The following YES1 variants were observed in gnomAD, a reference collection of about 807,000 sequenced individuals.
YES1 encodes the protein YES proto-oncogene 1, Src family tyrosine kinase.
Under a neutral mutation model 70.4 loss-of-function variants are expected in YES1, and 39 were observed. The observed-to-expected ratio is 0.55, with a 90% CI of 0.43 to 0.72. The LOEUF is 0.72. YES1 is among the 30% of genes least tolerant of loss of function. The probability of loss-of-function intolerance (pLI) is 0.00; values close to 1 mark genes in which losing one functional copy is unlikely to be tolerated. For missense variants in YES1, 495 were observed against 644.8 expected (o/e 0.77, Z 2.52); for synonymous variants, 198 against 218.6 (o/e 0.91, Z 0.83).
In YES1 at chr18:736,955, C is replaced by G. The variant is rs773025552; in HGVS notation, c.1144G>C (p.Asp382His). 1.2e-6 allele frequency: 2 copies of G among 1,604,546 alleles called. No individual in the cohort carries two copies. The highest frequency in any genetic ancestry group is 2.2e-5 in the South Asian group (2 of 89,686). Reference sequence around the variant, plus strand: ...ATTCTTTCAATATATGCCATACCATCAGCAATCTTGGAAAGAGAAAAACAA... The same window carrying G: ...ATTCTTTCAATATATGCCATACCATGAGCAATCTTGGAAAGAGAAAAACAA... The part of the protein sequence containing the change: ...QLVDMAAQIA[D>H]GMAYIERMNY... The change falls in exon 10 of 12, where the codon GAT becomes CAT. Residue 382 changes from aspartate (D) to histidine (H), a missense_variant. Asp to His is a moderately conservative substitution (Grantham distance 81). Coordinates refer to ENST00000314574, the MANE Select transcript of YES1 (RefSeq NM_005433.4).
chr18:808,654 T>C (rs1568224453), intron 1 of YES1, among the ~76,000 whole-genome samples: 2 of 152,226 alleles, frequency 1.3e-5, no homozygotes, highest in Admixed American at 6.5e-5. Context: ...ATCACCTTTA[T>C]AACATGACTG....
chr18:745,107 C>CT (rs1465470172), intron 6 of YES1, among the ~76,000 whole-genome samples: 1 of 152,102 alleles, frequency 6.6e-6, no homozygotes, highest in African/African-American at 2.4e-5. Context: ...GAAACATCCC[C>CT]TCTCCTAGTA....
At chr18:772,029 G>C (rs1461879919) in intron 1 of YES1, among the ~76,000 whole-genome samples, 1 of 151,292 alleles carries the variant, frequency 6.6e-6, no homozygotes, top group Non-Finnish European at 1.5e-5. Context: ...ACAAAAGCAT[G>C]TTCAAGTTTT....
At chr18:806,829 C>T (rs181108469) in intron 1 of YES1, among the ~76,000 whole-genome samples, 1 of 152,354 alleles carries the variant, frequency 6.6e-6, no homozygotes, top group East Asian at 1.9e-4. Context: ...CCTCATCCTT[C>T]CTCTGGTTAT....
At chr18:756,282 T>TC (rs1555686131) in intron 2 of YES1, among the ~76,000 whole-genome samples, 3 of 149,294 alleles carry the variant, frequency 2.0e-5, no homozygotes, top group African/African-American at 5.0e-5. Context: ...GTGCCTACAG[T>TC]GGGGGGGGGC....
At chr18:726,810 A>T (rs1401301915) in intron 11 of YES1, among the ~76,000 whole-genome samples, 1 of 146,798 alleles carries the variant, frequency 6.8e-6, no homozygotes, top group Non-Finnish European at 1.5e-5. Flanking sequence ...AAAAAAAAAA[A>T]AAAAATTCAC....
At chr18:785,690 T>A (rs1905900962) in intron 1 of YES1, among the ~76,000 whole-genome samples, 1 of 151,906 alleles carries the variant, frequency 6.6e-6, no homozygotes, top group Non-Finnish European at 1.5e-5. Flanking sequence ...CTGAAGGGGT[T>A]AATGTCACCA....
At chr18:761,531 C>T (rs938414541) in intron 1 of YES1, among the ~76,000 whole-genome samples, 1 of 152,082 alleles carries the variant, frequency 6.6e-6, no homozygotes, top group Non-Finnish European at 1.5e-5. Flanking sequence ...AGCTTAATTC[C>T]TCATCCTCAC....
intron 10 of YES1, 56 bp from the exon 11 acceptor site, chr18:733,021 A>G: frequency 6.4e-7 from 1 of 1,570,290 alleles, no homozygotes. Flanking sequence ...ATTTGTGTAA[A>G]CATAGCATAT....
At chr18:758,316 T>C (rs556217139) in intron 1 of YES1, among the ~76,000 whole-genome samples, 6 of 152,184 alleles carry the variant, frequency 3.9e-5, no homozygotes, top group African/African-American at 1.4e-4. Context: ...TGTATATGGC[T>C]AGTGGCTATC....
intron 1 of YES1, among the ~76,000 whole-genome samples, chr18:765,412 T>G (rs1904853794): frequency 6.7e-6 from 1 of 148,944 alleles, no homozygotes; most frequent in South Asian, 2.1e-4. Context: ...TTTTTTTTTT[T>G]TTTTGAGACG....
At chr18:733,808 A>G (rs1187890658) in intron 10 of YES1, among the ~76,000 whole-genome samples, 1 of 141,614 alleles carries the variant, frequency 7.1e-6, no homozygotes, top group African/African-American at 2.7e-5. Flanking sequence ...AAAAAAAAAA[A>G]AAGCATGGCT....
intron 1 of YES1, among the ~76,000 whole-genome samples, chr18:794,674 C>T (rs1434062870): frequency 6.6e-6 from 1 of 152,172 alleles, no homozygotes; most frequent in Non-Finnish European, 1.5e-5. Flanking sequence ...GGATACCATC[C>T]TTCCTTGCCT....
chr18:734,780 G>A (rs2080132809), intron 10 of YES1, among the ~76,000 whole-genome samples: 1 of 152,050 alleles, frequency 6.6e-6, no homozygotes, highest in Non-Finnish European at 1.5e-5. Context: ...AACCACTATG[G>A]AAAACAGTAT....
At chr18:773,839 T>C (rs1238880065) in intron 1 of YES1, among the ~76,000 whole-genome samples, 6 of 60,634 alleles carry the variant, frequency 9.9e-5, no homozygotes, top group African/African-American at 2.1e-4. Flanking sequence ...CACTTTTCCC[T>C]TTTTTTTTTT....
At position 796,170 on chromosome 18, in the gene YES1, AC is replaced by A. The variant is rs1483321921; in HGVS notation, c.-9+15943del. On this transcript the variant is annotated intron_variant, in intron 1 of 11. Coordinates refer to ENST00000314574, the MANE Select transcript of YES1 (RefSeq NM_005433.4). The stretch of plus-strand genomic sequence containing the variant: ...AGCTGAGAAAGTTTTGAAAAGGAAA[AC>A]AGGAAATTTGTCCTTCTAGGAATCA... Among the ~76,000 whole-genome samples the A allele has an allele frequency of 2.0e-5, 3 of 152,284 alleles. No homozygotes were observed. The East Asian group carries it at 5.8e-4, about 29-fold the overall frequency.
chr18:808,927 G>A (rs1194645737), intron 1 of YES1, among the ~76,000 whole-genome samples: 1 of 152,102 alleles, frequency 6.6e-6, no homozygotes, highest in African/African-American at 2.4e-5. Context: ...AGATTTCATG[G>A]CATTCTTAAG....
chr18:804,429 G>A (rs1906981023), intron 1 of YES1, among the ~76,000 whole-genome samples: 1 of 151,918 alleles, frequency 6.6e-6, no homozygotes, highest in African/African-American at 2.4e-5. Flanking sequence ...CCAACATGGT[G>A]AAACCCCCAT....
At chr18:761,965 T>A (rs1568202708) in intron 1 of YES1, among the ~76,000 whole-genome samples, 1 of 152,216 alleles carries the variant, frequency 6.6e-6, no homozygotes, top group Non-Finnish European at 1.5e-5. Flanking sequence ...GATGGGAGGA[T>A]CACCTGAGGT....
Sources: allele counts gnomAD v4.1 joint callset (sites outside exome capture counted in the v4.1 genomes callset), GRCh38; gene constraint gnomAD v4.1.1; transcripts MANE v1.5; gene names NCBI Gene and HGNC (gene_info 2026-07-23, HGNC 2026-07-21).